Variants in ABLIM2 observed in about 807,000 individuals in gnomAD.
The protein encoded by ABLIM2 is actin-binding LIM protein 2.
ABLIM2 carries 53 observed loss-of-function variants against 97.7 expected under a neutral mutation model. The ratio of observed to expected loss-of-function variants is 0.54; its 90% CI spans 0.44 to 0.68. The LOEUF (loss-of-function observed/expected upper bound fraction) is 0.68, where lower values mean the gene tolerates loss of function less well. ABLIM2 is among the 30% of genes least tolerant of loss of function. The pLI is 0.00. For missense variants in ABLIM2, 835 were observed against 867.2 expected (o/e 0.96, Z 0.47); for synonymous variants, 361 against 345.8 (o/e 1.04, Z -0.49).
At chr4:8,110,449 GTGTC>G (rs918376752) in intron 1 of ABLIM2, among the ~76,000 whole-genome samples, 18 of 152,086 alleles carry the variant, frequency 1.2e-4, no homozygotes, top group Non-Finnish European at 2.1e-4. Flanking sequence ...TTCTGTCTGT[GTGTC>G]TGTCTGTCTC....
At chr4:7,985,377 G>A (rs1268258737) in intron 17 of ABLIM2, among the ~76,000 whole-genome samples, 1 of 152,160 alleles carries the variant, frequency 6.6e-6, no homozygotes, top group Non-Finnish European at 1.5e-5. Flanking sequence ...GGTGCTCAGG[G>A]AGCCCCAGGG....
At position 8,044,766 on chromosome 4, in the gene ABLIM2, G is replaced by A. The variant is rs1202910014; in HGVS notation, c.900+398C>T. ...CTTTTAGGGAACACGCTGGGAGAGC[G>A]TGCGTGTTGATGTACACAGATCCGT... On this transcript the variant is annotated intron_variant, in intron 9 of 20. Transcript: ENST00000447017. This position sits in a 1 kb window ranked among gnomAD's most constrained non-coding sequence, Gnocchi z 4.4. Among the ~76,000 whole-genome samples the A allele has an allele frequency of 2.6e-5, 4 of 152,100 alleles. No homozygotes were observed. Among genetic ancestry groups the A allele is most frequent in the East Asian group, 1.9e-4 (1 of 5,182 alleles).
Position 8,122,470 on chromosome 4 carries a change from C to T in ABLIM2, c.11-15833G>A, listed in dbSNP as rs1845914257. Among the ~76,000 whole-genome samples the T allele has an allele frequency of 6.6e-6, 1 of 152,194 alleles. No individual in the cohort carries two copies. Among genetic ancestry groups the T allele is most frequent in the Non-Finnish European group, 1.5e-5 (1 of 68,028 alleles). ...CATGCTCGGTCCCTGGTGAGGGCTC[C>T]CTTCCTGGCTTGCAGACAGCCGCCT... On this transcript the variant is annotated intron_variant, in intron 1 of 20. Coordinates refer to ENST00000447017, the MANE Select transcript of ABLIM2 (RefSeq NM_001130083.2). The surrounding 1 kb of genome is among the most constrained non-coding windows in gnomAD (Gnocchi z 4.1).
At chr4:8,144,545 T>TGGAG (rs200490450) in intron 1 of ABLIM2, among the ~76,000 whole-genome samples, 34 of 144,120 alleles carry the variant, frequency 2.4e-4, no homozygotes, top group African/African-American at 7.6e-4. Context: ...ATGCAGATTA[T>TGGAG]GGAGGGAGGG....
rs6829649 is a variant in ABLIM2 at position 8,069,066 on chromosome 4, T to A, written c.676-8012A>T. On this transcript the variant is annotated intron_variant, in intron 6 of 20. Transcript: ENST00000447017. The surrounding 1 kb of genome is among the most constrained non-coding windows in gnomAD (Gnocchi z 4.2). ...GGCCCTCCCCAGACCTTCCACACCCTCTGGAACACAGCTCCTCTTGGCCCC... is the reference window on the plus strand; with the variant it reads ...GGCCCTCCCCAGACCTTCCACACCCACTGGAACACAGCTCCTCTTGGCCCC... 3.3e-5 allele frequency among the ~76,000 whole-genome samples: 5 copies of A among 152,084 alleles called. No individual in the cohort carries two copies. The highest frequency in any genetic ancestry group is 1.2e-4 in the African/African-American group (5 of 41,416).
rs1426209247 is a variant in ABLIM2, at chr4:8,044,922, CAGAT to C, written c.900+238_900+241del. Among the ~76,000 whole-genome samples, 1 of 152,160 alleles carries C rather than the reference CAGAT, an allele frequency of 6.6e-6. No homozygotes were observed. The highest frequency in any genetic ancestry group is 1.5e-5 in the Non-Finnish European group (1 of 68,042). ...CACACCACTGTGTGGCTCTTGTCAC[CAGAT>C]AATTGGGGACAGGTTCCCAGGGGAA... On this transcript the variant is annotated intron_variant, in intron 9 of 20. Transcript: ENST00000447017. This position sits in a 1 kb window ranked among gnomAD's most constrained non-coding sequence, Gnocchi z 4.4.
intron 3 of ABLIM2, among the ~76,000 whole-genome samples, chr4:8,088,598 C>T (rs973944169): frequency 6.6e-6 from 1 of 152,234 alleles, no homozygotes; most frequent in African/African-American, 2.4e-5. Flanking sequence ...TGCCAGGCTG[C>T]CTGGGCCACC....
At position 8,149,509 on chromosome 4, in the gene ABLIM2, G is replaced by A. The variant is rs753944443; in HGVS notation, c.10+9171C>T. Among the ~76,000 whole-genome samples, 13 of 151,954 alleles carry A rather than the reference G, an allele frequency of 8.6e-5. No individual in the cohort carries two copies. Among genetic ancestry groups the A allele is most frequent in the Non-Finnish European group, 1.5e-4 (10 of 68,000 alleles). ...TCTGTGTCCACAGGTTCAGAGGAAG[G>A]AGGGAAGCAGAGGGCCTAGAGATGG... On this transcript the variant is annotated intron_variant, in intron 1 of 20. Coordinates refer to ENST00000447017, the MANE Select transcript of ABLIM2 (RefSeq NM_001130083.2). The surrounding 1 kb of genome is among the most constrained non-coding windows in gnomAD (Gnocchi z 6.4).
intron 20 of ABLIM2, among the ~76,000 whole-genome samples, chr4:7,969,768 C>CACACACACACACACACACAG (rs1322898636): frequency 7.0e-6 from 1 of 143,430 alleles, no homozygotes; most frequent in Non-Finnish European, 1.5e-5. Flanking sequence ...CACACACACA[C>CACACACACACACACACACAG]AGCCTATCCA....
chr4:8,043,742 A>G lies in ABLIM2; in HGVS notation c.900+1422T>C, dbSNP rs6852834. On this transcript the variant is annotated intron_variant, in intron 9 of 20. Coordinates refer to ENST00000447017, the MANE Select transcript of ABLIM2 (RefSeq NM_001130083.2). The surrounding 1 kb of genome is among the most constrained non-coding windows in gnomAD (Gnocchi z 4.8). ...TGTTGTTCAAGCCCCCAGGAGGCTG[A>G]CACAGATGATGGTAACAGTAACGGC... 0.3 allele frequency among the ~76,000 whole-genome samples: 46,045 copies of G among 152,152 alleles called. 7,757 individuals are homozygous for G. Among genetic ancestry groups the G allele is most frequent in the African/African-American group, 0.44 (18,175 of 41,490 alleles).
chr4:7,987,846 A>G (rs1472670108), intron 17 of ABLIM2, among the ~76,000 whole-genome samples: 1 of 152,142 alleles, frequency 6.6e-6, no homozygotes, highest in Non-Finnish European at 1.5e-5. Context: ...TCTAAGGTGC[A>G]AGGGGTCTTC....
In ABLIM2 at chr4:8,015,583, A is replaced by G. The variant is rs1421947394; in HGVS notation, c.1423+4035T>C. Among the ~76,000 whole-genome samples the G allele has an allele frequency of 1.3e-5, 2 of 152,224 alleles. No individual in the cohort carries two copies. Among genetic ancestry groups the G allele is most frequent in the Non-Finnish European group, 2.9e-5 (2 of 68,038 alleles). ...GCAAGGAGTGATTAATTCCTGCTTT[A>G]AACCAGGGCACAAAGACACAGGGAA... On this transcript the variant is annotated intron_variant, in intron 14 of 20. Transcript: ENST00000447017. The surrounding 1 kb of genome is among the most constrained non-coding windows in gnomAD (Gnocchi z 4.6).
intron 9 of ABLIM2, among the ~76,000 whole-genome samples, chr4:8,039,439 C>T (rs144720362): frequency 2.6e-5 from 4 of 152,256 alleles, no homozygotes; most frequent in Admixed American, 1.3e-4. Flanking sequence ...TGCCCGACCC[C>T]TCAGACAGGT....
intron 14 of ABLIM2, among the ~76,000 whole-genome samples, chr4:8,016,154 C>T (rs901285672): frequency 2.7e-5 from 4 of 148,120 alleles, no homozygotes; most frequent in African/African-American, 1.0e-4. Context: ...AAGCGATTCT[C>T]CTGCCTCACC....
rs974549105 is a variant in ABLIM2, at chr4:8,061,147, A to G, written c.676-93T>C. Reference sequence around the variant, plus strand: ...GGCATGGATACAGCATGCCCTGAGCACAGGTACTCAGGGGATACTGGAAGG... The same window carrying G: ...GGCATGGATACAGCATGCCCTGAGCGCAGGTACTCAGGGGATACTGGAAGG... On this transcript the variant is annotated intron_variant, in intron 6 of 20. Transcript: ENST00000447017. This position sits in a 1 kb window ranked among gnomAD's most constrained non-coding sequence, Gnocchi z 4.5. 15 of 1,027,612 alleles carry G rather than the reference A, an allele frequency of 1.5e-5. No individual in the cohort carries two copies. The African/African-American group carries it at 2.2e-4, about 15-fold the overall frequency. The allele number at this position is 1,027,612 out of a possible 1,614,324, so 63.7% of individuals were successfully genotyped here.
chr4:8,051,948 T>C lies in ABLIM2; in HGVS notation c.822+2240A>G, dbSNP rs1796329211. Reference sequence around the variant, plus strand: ...CACTGCCACCTCGAGCCCGTGTATATACCTGACTGGTATCCACCCCACTTG... The same window carrying C: ...CACTGCCACCTCGAGCCCGTGTATACACCTGACTGGTATCCACCCCACTTG... On this transcript the variant is annotated intron_variant, in intron 8 of 20. Coordinates refer to ENST00000447017, the MANE Select transcript of ABLIM2 (RefSeq NM_001130083.2). 3.3e-5 allele frequency among the ~76,000 whole-genome samples: 5 copies of C among 152,344 alleles called. No homozygotes were observed. The South Asian group carries it at 8.3e-4, about 25-fold the overall frequency.
rs760854621 is a variant in ABLIM2 at position 8,150,609 on chromosome 4, C to A, written c.10+8071G>T. Among the ~76,000 whole-genome samples the A allele has an allele frequency of 6.6e-5, 10 of 152,212 alleles. No individual in the cohort carries two copies. The highest frequency in any genetic ancestry group is 6.5e-4 in the Admixed American group (10 of 15,288). On this transcript the variant is annotated intron_variant, in intron 1 of 20. Coordinates refer to ENST00000447017, the MANE Select transcript of ABLIM2 (RefSeq NM_001130083.2). This position sits in a 1 kb window ranked among gnomAD's most constrained non-coding sequence, Gnocchi z 6.3. Reference sequence around the variant, plus strand: ...CCAGCACAGGGTGCGAGCTCCGTGCCGGAGGCGGGAGGAGCCACTGCTGCT... The same window carrying A: ...CCAGCACAGGGTGCGAGCTCCGTGCAGGAGGCGGGAGGAGCCACTGCTGCT...
At position 8,072,045 on chromosome 4, in the gene ABLIM2, G is replaced by A; in HGVS notation, c.675+5583C>T. 1.0e-6 allele frequency: 1 copy of A among 985,454 alleles called. No individual in the cohort carries two copies. The highest frequency in any genetic ancestry group is 1.2e-6 in the Non-Finnish European group (1 of 829,964). The allele number at this position is 985,454 out of a possible 1,614,324, so 61.0% of individuals were successfully genotyped here. On this transcript the variant is annotated intron_variant, in intron 6 of 20. Transcript: ENST00000447017. The surrounding 1 kb of genome is among the most constrained non-coding windows in gnomAD (Gnocchi z 5.8). ...ACCTTGCACCCGGGGAGGATGCTCA[G>A]AGCTGTGCAGAGCCCGCCGACTCAG...
chr4:8,070,595 A>G (rs1811303958), intron 6 of ABLIM2, among the ~76,000 whole-genome samples: 1 of 152,164 alleles, frequency 6.6e-6, no homozygotes, highest in Admixed American at 6.5e-5. Flanking sequence ...CGCAATTGCA[A>G]GAATGATGTT....
Sources: allele counts gnomAD v4.1 joint callset (sites outside exome capture counted in the v4.1 genomes callset), GRCh38; gene constraint gnomAD v4.1.1; non-coding constraint Gnocchi (gnomAD v3.1); transcripts MANE v1.5; gene names NCBI Gene and HGNC (gene_info 2026-07-23, HGNC 2026-07-21).